The following CDC40 variants were observed in gnomAD, a reference collection of about 807,000 sequenced individuals.
CDC40 encodes pre-mRNA-processing factor 17.
CDC40 carries 27 observed loss-of-function variants against 80.6 expected under a neutral mutation model. That is an observed-to-expected ratio of 0.33 (90% confidence interval 0.25 to 0.46). CDC40 has a LOEUF of 0.46. Among genes scored for constraint, CDC40 ranks in the 20% least tolerant of loss-of-function variants. The pLI is 1.00. For missense variants in CDC40, 486 were observed against 694.1 expected (o/e 0.70, Z 3.37); for synonymous variants, 221 against 232.6 (o/e 0.95, Z 0.45).
chr6:110,228,765 TTAAAA>T, intron 13 of CDC40, 62 bp from the exon 14 acceptor site: 2 of 1,274,714 alleles, frequency 1.6e-6, no homozygotes, highest in Non-Finnish European at 2.1e-6. Context: ...GTGAACATAT[TTAAAA>T]TAAAAAGTTT....
chr6:110,213,387 G>GTTTTT (rs925612659), intron 8 of CDC40, among the ~76,000 whole-genome samples: 3 of 147,322 alleles, frequency 2.0e-5, no homozygotes, highest in African/African-American at 7.6e-5. Context: ...TTTGTTTTTT[G>GTTTTT]TTTTTTTGTT....
At chr6:110,227,150 A>G (rs1486774648) in intron 13 of CDC40, among the ~76,000 whole-genome samples, 1 of 152,248 alleles carries the variant, frequency 6.6e-6, no homozygotes, top group Non-Finnish European at 1.5e-5. Context: ...AGATAAATCT[A>G]TTTAATATTG....
intron 3 of CDC40, among the ~76,000 whole-genome samples, chr6:110,207,103 CA>C (rs950291884): frequency 5.3e-5 from 8 of 151,956 alleles, no homozygotes; most frequent in Non-Finnish European, 2.9e-5. Context: ...CATTTAAGGT[CA>C]GGAGTTCAAG....
At chr6:110,224,754 G>T (rs768341220) in intron 12 of CDC40, among the ~76,000 whole-genome samples, 2 of 152,082 alleles carry the variant, frequency 1.3e-5, no homozygotes, top group African/African-American at 2.4e-5. Context: ...GAAGTCCACC[G>T]GGTAGTTCAA....
At chr6:110,225,371 G>T (rs1162608295) in intron 12 of CDC40, among the ~76,000 whole-genome samples, 1 of 151,378 alleles carries the variant, frequency 6.6e-6, no homozygotes, top group African/African-American at 2.4e-5. Flanking sequence ...AAATGAAAAG[G>T]CACTTAGAAC....
chr6:110,218,293 T>C, intron 10 of CDC40, among the ~76,000 whole-genome samples: 1 of 152,346 alleles, frequency 6.6e-6, no homozygotes, highest in Non-Finnish European at 1.5e-5. Context: ...TTTTATGTAA[T>C]TATAAAAATT....
chr6:110,228,895 T>A lies in CDC40; in HGVS notation c.1481T>A (p.Phe494Tyr), dbSNP rs1441108930. Residue 494 changes from phenylalanine (F) to tyrosine (Y), a missense_variant, in exon 14 of 15, where the codon TTT becomes TAT. Physicochemically the swap from Phe to Tyr is conservative, Grantham distance 22. Coordinates refer to ENST00000307731, the MANE Select transcript of CDC40 (RefSeq NM_015891.3). ...TTAATTTTTGGAGCACAGAACAGAT[T>A]TAGATTAAATAAGAAAAAAATTTTT... The part of the protein sequence containing the change: ...QILIFGAQNR[F>Y]RLNKKKIFKG... The A allele has an allele frequency of 6.2e-7, 1 of 1,606,556 alleles. No homozygotes were observed. Among genetic ancestry groups the A allele is most frequent in the African/African-American group, 1.3e-5 (1 of 74,442 alleles).
At chr6:110,209,493 T>A (rs1413701063) in intron 5 of CDC40, among the ~76,000 whole-genome samples, 1 of 152,178 alleles carries the variant, frequency 6.6e-6, no homozygotes, top group East Asian at 1.9e-4. Flanking sequence ...GATATTGCTA[T>A]TAAGCTGCCA....
intron 2 of CDC40, among the ~76,000 whole-genome samples, chr6:110,196,623 A>G (rs982794654): frequency 6.6e-6 from 1 of 152,176 alleles, no homozygotes; most frequent in African/African-American, 2.4e-5. Flanking sequence ...ACTGTTAAAA[A>G]TCTGGCTATA....
At chr6:110,216,264 T>C (rs1032791051) in intron 9 of CDC40, among the ~76,000 whole-genome samples, 38 of 152,216 alleles carry the variant, frequency 2.5e-4, no homozygotes, top group African/African-American at 8.2e-4. Flanking sequence ...TCAGATTTCA[T>C]GTGAAGGCTA....
Position 110,193,466 on chromosome 6 carries a change from G to A in CDC40, c.276+198G>A, listed in dbSNP as rs541114205. Reference sequence around the variant, plus strand: ...GTCGCCCAGGCTGGAGTGCAGTGGCGCAATCTCGGCTCACTGCAAGCTCCG... The same window carrying A: ...GTCGCCCAGGCTGGAGTGCAGTGGCACAATCTCGGCTCACTGCAAGCTCCG... On this transcript the variant is annotated intron_variant, in intron 2 of 14. Coordinates refer to ENST00000307731, the MANE Select transcript of CDC40 (RefSeq NM_015891.3). Among the ~76,000 whole-genome samples, 309 of 151,862 alleles carry A rather than the reference G, an allele frequency of 2.0e-3. 2 individuals are homozygous for A. The highest frequency in any genetic ancestry group is 7.2e-3 in the African/African-American group (297 of 41,416).
chr6:110,219,114 C>T (rs915887043), intron 10 of CDC40, among the ~76,000 whole-genome samples: 1 of 152,070 alleles, frequency 6.6e-6, no homozygotes, highest in African/African-American at 2.4e-5. Flanking sequence ...TTATTGCTTG[C>T]ACTATTCCAT....
intron 9 of CDC40, 93 bp from the exon 10 acceptor site, chr6:110,217,609 T>C: frequency 1.4e-6 from 1 of 712,172 alleles, no homozygotes; most frequent in Non-Finnish European, 2.6e-6. Flanking sequence ...GAACCACTGC[T>C]TAGTGCTGTT....
intron 13 of CDC40, among the ~76,000 whole-genome samples, chr6:110,228,102 C>T (rs1777888787): frequency 1.3e-5 from 2 of 152,262 alleles, no homozygotes; most frequent in South Asian, 2.1e-4. Context: ...CCCTGTATGG[C>T]ATGTTGCTGT....
intron 1 of CDC40, among the ~76,000 whole-genome samples, chr6:110,187,521 A>G (rs1391202630): frequency 6.6e-6 from 1 of 152,190 alleles, no homozygotes; most frequent in African/African-American, 2.4e-5. Context: ...CTCAGAGGAT[A>G]TCTTTATCTG....
intron 3 of CDC40, among the ~76,000 whole-genome samples, chr6:110,202,707 T>G (rs1278962268): frequency 2.6e-5 from 4 of 152,304 alleles, no homozygotes; most frequent in Admixed American, 6.5e-5. Flanking sequence ...TTGTTTGTTT[T>G]AAGTATCTGG....
At chr6:110,195,812 A>G (rs1373881829) in intron 2 of CDC40, among the ~76,000 whole-genome samples, 2 of 152,170 alleles carry the variant, frequency 1.3e-5, no homozygotes, top group Admixed American at 1.3e-4. Context: ...ATTGAGAGAT[A>G]AGACTAGGAT....
intron 12 of CDC40, among the ~76,000 whole-genome samples, chr6:110,225,788 G>A (rs185259329): frequency 6.6e-6 from 1 of 152,306 alleles, no homozygotes; most frequent in Non-Finnish European, 1.5e-5. Context: ...GTAAAAGTGG[G>A]TTTTGGTTAC....
rs774741803 is a variant in CDC40 at position 110,217,690 on chromosome 6, C to T, written c.989-12C>T. 3.0e-6 allele frequency: 4 copies of T among 1,322,052 alleles called. No homozygotes were observed. Among genetic ancestry groups the T allele is most frequent in the Non-Finnish European group, 4.4e-6 (4 of 913,662 alleles). 81.9% of individuals were successfully genotyped at this position (1,322,052 alleles called of 1,614,324 possible). A position where few individuals can be genotyped will look rare whatever the true frequency, so the allele number is the denominator to read the frequency against. On this transcript the variant is annotated splice_polypyrimidine_tract_variant and intron_variant, in intron 9 of 14. Coordinates refer to ENST00000307731, the MANE Select transcript of CDC40 (RefSeq NM_015891.3). ...TTCACCTCATTGCTGTTTCTGTTGA[C>T]TCCACCTTTAGGTCACAGTAAGGCT...
Sources: gnomAD v4.1 joint callset for allele counts (sites outside exome capture counted in the v4.1 genomes callset) on GRCh38, gnomAD v4.1.1 for gene constraint, MANE v1.5 for transcripts, NCBI Gene and HGNC (gene_info 2026-07-23, HGNC 2026-07-21) for gene names.